Variants in SMIM21 observed in about 807,000 individuals in gnomAD.
The protein encoded by SMIM21 is small integral membrane protein 21, also known as chromosome 18 open reading frame 62.
Under a neutral mutation model 8.6 loss-of-function variants are expected in SMIM21, and 8 were observed. The observed-to-expected ratio is 0.93, with a 90% confidence interval of 0.55 to 1.68. The LOEUF (loss-of-function observed/expected upper bound fraction) is 1.68. SMIM21 is among the 40% of genes most tolerant of loss of function. SMIM21 has a pLI of 0.00. For missense variants in SMIM21, 132 were observed against 123.0 expected, an observed-to-expected ratio of 1.07 and a Z score of -0.35; for synonymous variants, 43 against 41.7, an observed-to-expected ratio of 1.03 and a Z score of -0.12.
At chr18:75,411,586 G>A (rs907894431) in intron 2 of SMIM21, among the ~76,000 whole-genome samples, 5 of 152,202 alleles carry the variant, frequency 3.3e-5, no homozygotes, top group Non-Finnish European at 7.3e-5. Flanking sequence ...CTCAGGGGTG[G>A]CTTTGCCTCA....
chr18:75,417,897 T>C, intron 2 of SMIM21: 1 of 284,028 alleles, frequency 3.5e-6, no homozygotes. Context: ...TTTCTCTCTT[T>C]ATTAAATATT....
intron 1 of SMIM21, among the ~76,000 whole-genome samples, chr18:75,419,749 T>G (rs1382527771): frequency 6.6e-6 from 1 of 152,214 alleles, no homozygotes; most frequent in African/African-American, 2.4e-5. Flanking sequence ...GTAGATATAC[T>G]TTCAAGAAGT....
At chr18:75,418,715 A>G (rs2024675941) in intron 2 of SMIM21, 71 bp downstream of exon 2, 29 of 1,417,634 alleles carry the variant, frequency 2.0e-5, no homozygotes, top group Non-Finnish European at 2.8e-5. Context: ...TTTAACTGCT[A>G]AGGTTATCGT....
At chr18:75,423,548 G>A (rs528314904) in intron 1 of SMIM21, among the ~76,000 whole-genome samples, 11 of 152,340 alleles carry the variant, frequency 7.2e-5, no homozygotes, top group East Asian at 5.8e-4. Flanking sequence ...TGAGGCCAGC[G>A]GGATGTCCCA....
chr18:75,417,917 T>C, intron 2 of SMIM21: 1 of 318,046 alleles, frequency 3.1e-6, no homozygotes, highest in Non-Finnish European at 5.6e-6. Context: ...TGATTGACTA[T>C]GGAAGAAATT....
intron 2 of SMIM21, among the ~76,000 whole-genome samples, chr18:75,411,798 A>T (rs1200836055): frequency 1.3e-5 from 2 of 152,216 alleles, no homozygotes; most frequent in Admixed American, 6.5e-5. Flanking sequence ...CATAGGATTA[A>T]TTTCATCCTA....
At chr18:75,415,539 G>A (rs1322723692) in intron 2 of SMIM21, among the ~76,000 whole-genome samples, 10 of 152,302 alleles carry the variant, frequency 6.6e-5, no homozygotes, top group South Asian at 6.2e-4. Context: ...ATCACCAGGC[G>A]GAACTAGCAT....
At chr18:75,426,409 A>G (rs1321352759) in intron 1 of SMIM21, among the ~76,000 whole-genome samples, 1 of 151,898 alleles carries the variant, frequency 6.6e-6, no homozygotes, top group Non-Finnish European at 1.5e-5. Context: ...TCCCGGGTTC[A>G]CACCATTCTC....
At chr18:75,423,957 G>T (rs369838938) in intron 1 of SMIM21, among the ~76,000 whole-genome samples, 3 of 152,148 alleles carry the variant, frequency 2.0e-5, no homozygotes, top group East Asian at 3.8e-4. Context: ...TTTGTTAGTT[G>T]TTGTCTATAA....
intron 1 of SMIM21, among the ~76,000 whole-genome samples, chr18:75,426,299 G>A (rs79046619): frequency 0.051 from 4,374 of 85,264 alleles, 116 homozygotes; most frequent in African/African-American, 0.083. Context: ...TTATTTGTTT[G>A]TTTGTTTGTT....
chr18:75,418,052 G>A (rs555041176), intron 2 of SMIM21: 2 of 395,428 alleles, frequency 5.1e-6, no homozygotes, highest in Non-Finnish European at 8.9e-6. Context: ...GAGACATTTG[G>A]AAGAGCTTGT....
At chr18:75,415,248 GGCAGAGGGGACTTAACA>G (rs1037648344) in intron 2 of SMIM21, among the ~76,000 whole-genome samples, 2 of 152,204 alleles carry the variant, frequency 1.3e-5, no homozygotes, top group Non-Finnish European at 2.9e-5. Flanking sequence ...GGGATCTCAA[GGCAGAGGGGACTTAACA>G]GCTGCCCAGA....
In SMIM21 at chr18:75,410,272, A is replaced by G. The variant is rs981584681; in HGVS notation, c.*592T>C. On this transcript the variant is annotated 3_prime_UTR_variant, in exon 3 of 3. Transcript: ENST00000579022. ...GTTAGTTCATTAGGTCACAATCAGT[A>G]ATTGATTCTCAGTGTGTCTCTGCTG... 2 of 152,722 alleles carry G rather than the reference A, an allele frequency of 1.3e-5. No homozygotes were observed. The highest frequency in any genetic ancestry group is 6.5e-5 in the Admixed American group (1 of 15,286). The allele number at this position is 152,722 out of a possible 1,614,324, so 9.5% of individuals were successfully genotyped here.
chr18:75,417,452 G>A (rs1367650877), intron 2 of SMIM21: 1 of 152,186 alleles, frequency 6.6e-6, no homozygotes, highest in African/African-American at 2.4e-5. Context: ...TATAACTCAT[G>A]GGATATTGGC....
At chr18:75,420,916 C>G (rs2024701436) in intron 1 of SMIM21, among the ~76,000 whole-genome samples, 1 of 152,124 alleles carries the variant, frequency 6.6e-6, no homozygotes, top group African/African-American at 2.4e-5. Context: ...GCCACCACTG[C>G]CAGTAGTGAG....
At chr18:75,423,939 A>C (rs2024735196) in intron 1 of SMIM21, among the ~76,000 whole-genome samples, 1 of 152,194 alleles carries the variant, frequency 6.6e-6, no homozygotes, top group Non-Finnish European at 1.5e-5. Context: ...GAGGCAGAAC[A>C]CAGTCAGTTT....
chr18:75,421,541 G>GA (rs1454286688), intron 1 of SMIM21, among the ~76,000 whole-genome samples: 2 of 152,010 alleles, frequency 1.3e-5, no homozygotes, highest in Non-Finnish European at 2.9e-5. Context: ...GGGAGGGTCA[G>GA]AAAAAATGGA....
chr18:75,424,515 C>T (rs2024741242), intron 1 of SMIM21, among the ~76,000 whole-genome samples: 1 of 152,200 alleles, frequency 6.6e-6, no homozygotes, highest in African/African-American at 2.4e-5. Context: ...GATCACTCTT[C>T]CTTCAATTGA....
intron 1 of SMIM21, among the ~76,000 whole-genome samples, chr18:75,421,561 C>T (rs1159202707): frequency 6.6e-6 from 1 of 152,016 alleles, no homozygotes; most frequent in Non-Finnish European, 1.5e-5. Context: ...AAGATCTCAT[C>T]CTAGTGTTTC....
Sources: allele counts gnomAD v4.1 joint callset (sites outside exome capture counted in the v4.1 genomes callset), GRCh38; gene constraint gnomAD v4.1.1; transcripts MANE v1.5; gene names NCBI Gene and HGNC (gene_info 2026-07-23, HGNC 2026-07-21).